The following SLC35F4 variants were observed in gnomAD, a reference collection of about 807,000 sequenced individuals.
SLC35F4 encodes the protein chromosome 14 open reading frame 36.
Under a neutral mutation model 44.2 loss-of-function variants are expected in SLC35F4, and 24 were observed. That is an observed-to-expected ratio of 0.54 (90% CI 0.39 to 0.76). The LOEUF (loss-of-function observed/expected upper bound fraction) is 0.76, where lower values mean the gene tolerates loss of function less well. Among genes scored for constraint, SLC35F4 ranks in the 30% least tolerant of loss-of-function variants. The probability of loss-of-function intolerance (pLI) is 0.00; values close to 1 mark genes in which losing one functional copy is unlikely to be tolerated. For synonymous variants in SLC35F4, 238 were observed against 223.6 expected (o/e 1.06, Z -0.57); for missense variants, 562 against 586.1 (o/e 0.96, Z 0.42).
At position 57,947,389 on chromosome 14, in the gene SLC35F4, A is replaced by G. The variant is rs1890055784; in HGVS notation, n.282+34524T>C. Among the ~76,000 whole-genome samples the G allele has an allele frequency of 4.6e-5, 7 of 151,984 alleles. No homozygotes were observed. The South Asian group carries it at 1.5e-3, about 32-fold the overall frequency. Reference sequence around the variant, plus strand: ...TTGTGTATATTGATTTTGTGTCCTGAAACTTTACTGAATTCATTTATCAGA... The same window carrying G: ...TTGTGTATATTGATTTTGTGTCCTGGAACTTTACTGAATTCATTTATCAGA... On this transcript the variant is annotated intron_variant and non_coding_transcript_variant, in intron 1 of 1. Coordinates refer to the SLC35F4 transcript ENST00000556568.
At chr14:57,764,653 G>T (rs1237524704) in intron 1 of SLC35F4, among the ~76,000 whole-genome samples, 3 of 152,188 alleles carry the variant, frequency 2.0e-5, no homozygotes, top group Non-Finnish European at 4.4e-5. Flanking sequence ...TTTAAATATT[G>T]TAAATGGTTT....
intron 1 of SLC35F4, among the ~76,000 whole-genome samples, chr14:57,808,926 T>C (rs1881652826): frequency 8.7e-6 from 1 of 115,206 alleles, no homozygotes; most frequent in Admixed American, 9.1e-5. Flanking sequence ...TTTTAATCCA[T>C]TGTTCTTCTT....
At chr14:57,802,985 C>CAAAAAAAAAAAAAAAAAAAAAAAAAAA (rs59647111) in intron 1 of SLC35F4, among the ~76,000 whole-genome samples, 3 of 71,320 alleles carry the variant, frequency 4.2e-5, no homozygotes, top group Non-Finnish European at 2.6e-5. Flanking sequence ...GCAGAGATAC[C>CAAAAAAAAAAAAAAAAAAAAAAAAAAA]AAAAAAAAAA....
chr14:57,621,047 T>C (rs2072149739), intron 1 of SLC35F4, among the ~76,000 whole-genome samples: 1 of 151,360 alleles, frequency 6.6e-6, no homozygotes, highest in Non-Finnish European at 1.5e-5. Context: ...AGCCAAATCA[T>C]GAGTGAACTC....
chr14:57,800,266 C>A (rs1409448716), intron 1 of SLC35F4, among the ~76,000 whole-genome samples: 2 of 79,584 alleles, frequency 2.5e-5, no homozygotes, highest in African/African-American at 1.2e-4. Flanking sequence ...CTGCAGCAGT[C>A]CCTGCAGTAG....
chr14:57,580,241 T>G (rs2069149313), intron 4 of SLC35F4, among the ~76,000 whole-genome samples: 1 of 152,196 alleles, frequency 6.6e-6, no homozygotes, highest in Non-Finnish European at 1.5e-5. Flanking sequence ...TCAGGGTTAA[T>G]GACCATCATA....
At position 57,589,380 on chromosome 14, in the gene SLC35F4, A is replaced by T. The variant is rs1310742547; in HGVS notation, c.423T>A (p.Ser141=). The part of the protein sequence containing the change: ...GLLIILSVSS[S]WVGTTQIVKI... ...TTACAATCTGTGTAGTTCCAACCCA[A>T]GATGATGATACTGACAAGATGATCA... The change falls in exon 3 of 8, where the codon TCT becomes TCA. Residue 141 remains serine, a synonymous_variant. Coordinates refer to ENST00000556826, the MANE Select transcript of SLC35F4 (RefSeq NM_001306087.2). 6.2e-7 allele frequency: 1 copy of T among 1,613,844 alleles called. No individual in the cohort carries two copies.
intron 3 of SLC35F4, 24 bp downstream of exon 3, chr14:57,589,192 T>C (rs968432640): frequency 5.7e-6 from 9 of 1,575,898 alleles, no homozygotes; most frequent in African/African-American, 5.4e-5. Flanking sequence ...TGATCTCTTA[T>C]TGGGCAGTTA....
intron 1 of SLC35F4, among the ~76,000 whole-genome samples, chr14:57,917,586 C>G (rs542683557): frequency 6.6e-6 from 1 of 152,034 alleles, no homozygotes; most frequent in Non-Finnish European, 1.5e-5. Flanking sequence ...AAAAGAACAA[C>G]AGTAAATCAG....
intron 1 of SLC35F4, among the ~76,000 whole-genome samples, chr14:57,619,181 T>G (rs990657989): frequency 6.6e-6 from 1 of 152,136 alleles, no homozygotes; most frequent in Non-Finnish European, 1.5e-5. Flanking sequence ...AGCACAGCAT[T>G]TGAGCTCTGC....
At chr14:57,766,024 TAGA>T (rs754119094) in intron 1 of SLC35F4, among the ~76,000 whole-genome samples, 3 of 152,164 alleles carry the variant, frequency 2.0e-5, no homozygotes, top group African/African-American at 4.8e-5. Context: ...TTGTGTGATT[TAGA>T]AGAAGGTGAC....
intron 1 of SLC35F4, among the ~76,000 whole-genome samples, chr14:57,629,328 C>G (rs2072647080): frequency 6.6e-6 from 1 of 152,080 alleles, no homozygotes; most frequent in Non-Finnish European, 1.5e-5. Context: ...TTGTTAGGCA[C>G]AGTGGGAAAC....
chr14:57,709,560 C>T (rs534972850), intron 1 of SLC35F4, among the ~76,000 whole-genome samples: 1 of 152,048 alleles, frequency 6.6e-6, no homozygotes, highest in Non-Finnish European at 1.5e-5. Context: ...TATACTGGAA[C>T]AGCTCATGCC....
chr14:57,742,230 C>A (rs1205315314), intron 1 of SLC35F4, among the ~76,000 whole-genome samples: 1 of 152,132 alleles, frequency 6.6e-6, no homozygotes, highest in Non-Finnish European at 1.5e-5. Context: ...ACAGTATTAA[C>A]CTTAAATGTA....
At chr14:57,944,764 AAGAAAAGAAAAG>A (rs1199764753) in intron 1 of SLC35F4, among the ~76,000 whole-genome samples, 1 of 151,752 alleles carries the variant, frequency 6.6e-6, no homozygotes, top group Non-Finnish European at 1.5e-5. Flanking sequence ...GAAAGGAAGA[AAGAAAAGAAAAG>A]AAAAAAGAAA....
upstream of SLC35F4, chr14:57,982,205 G>C (rs924745533): frequency 6.6e-6 from 1 of 152,204 alleles, no homozygotes; most frequent in Admixed American, 6.5e-5. Context: ...GGAGGAGACA[G>C]AGTGTGCTTT....
intron 1 of SLC35F4, among the ~76,000 whole-genome samples, chr14:57,849,717 A>T (rs1886383350): frequency 6.6e-6 from 1 of 152,206 alleles, no homozygotes; most frequent in Admixed American, 6.5e-5. Flanking sequence ...AGACAAAGGG[A>T]TAGAAAACAG....
At chr14:57,825,737 A>G (rs28655806) in intron 1 of SLC35F4, among the ~76,000 whole-genome samples, 32,769 of 152,018 alleles carry the variant, frequency 0.22, 5,414 homozygotes, top group African/African-American at 0.47. Flanking sequence ...ACAAGCAGAG[A>G]GCCAAATCAT....
chr14:57,924,802 C>T (rs891875774), intron 1 of SLC35F4, among the ~76,000 whole-genome samples: 8 of 151,384 alleles, frequency 5.3e-5, no homozygotes, highest in African/African-American at 1.7e-4. Context: ...TCTCTTTCTT[C>T]CTTTTCTTTT....
Sources: gnomAD v4.1 joint callset for allele counts (sites outside exome capture counted in the v4.1 genomes callset) on GRCh38, gnomAD v4.1.1 for gene constraint, MANE v1.5 for transcripts, NCBI Gene and HGNC (gene_info 2026-07-23, HGNC 2026-07-21) for gene names.